CHST9: variants seen among roughly 807,000 people sequenced by gnomAD.
CHST9 encodes the protein GalNAc-4-sulfotransferase 2.
Under a neutral mutation model 44.4 loss-of-function variants are expected in CHST9, and 41 were observed. The observed-to-expected ratio is 0.92, with a 90% CI of 0.72 to 1.20. CHST9 has a LOEUF of 1.20. Ranked by LOEUF, CHST9 falls within the 50% of genes most tolerant of loss-of-function variation. The pLI, the probability that CHST9 is intolerant of heterozygous loss-of-function variation, is 0.00. For synonymous variants in CHST9, 171 were observed against 178.4 expected, an observed-to-expected ratio of 0.96 and a Z score of 0.33; for missense variants, 504 against 516.5, an observed-to-expected ratio of 0.98 and a Z score of 0.23.
At position 27,066,484 on chromosome 18, in the gene CHST9, G is replaced by A. The variant is rs555604908; in HGVS notation, c.122-17981C>T. Among the ~76,000 whole-genome samples, 284 of 152,190 alleles carry A rather than the reference G, an allele frequency of 1.9e-3. 2 individuals are homozygous for A. Among genetic ancestry groups the A allele is most frequent in the Non-Finnish European group, 3.3e-3 (226 of 67,998 alleles). On this transcript the variant is annotated intron_variant, in intron 2 of 5. Coordinates refer to ENST00000618847, the MANE Select transcript of CHST9 (RefSeq NM_031422.6). ...TTTAAATTTATTTTTTAGAGTCAGG[G>A]TTTCCATTTGTTGCCCAGGTTGGCC...
intron 2 of CHST9, among the ~76,000 whole-genome samples, chr18:27,053,209 G>GGAGGAA (rs2057598509): frequency 3.8e-5 from 3 of 79,136 alleles, no homozygotes; most frequent in Non-Finnish European, 5.1e-5. Context: ...AACAAGAAGA[G>GGAGGAA]GAGGAAGAGG....
At chr18:26,979,538 C>A (rs2056666214) in intron 4 of CHST9, among the ~76,000 whole-genome samples, 1 of 152,046 alleles carries the variant, frequency 6.6e-6, no homozygotes, top group Non-Finnish European at 1.5e-5. Flanking sequence ...GGTAGCTCCC[C>A]ATGTTTTGCT....
intron 2 of CHST9, among the ~76,000 whole-genome samples, chr18:27,134,557 C>A (rs2058498148): frequency 6.6e-6 from 1 of 152,152 alleles, no homozygotes; most frequent in Non-Finnish European, 1.5e-5. Context: ...TTGAATAGAA[C>A]CTCGACCTAC....
At chr18:27,082,890 A>T (rs550575781) in intron 2 of CHST9, among the ~76,000 whole-genome samples, 1 of 152,152 alleles carries the variant, frequency 6.6e-6, no homozygotes, top group Non-Finnish European at 1.5e-5. Context: ...CCCTATAGCA[A>T]TCAGGAGATT....
chr18:27,094,869 T>C (rs1219160883), intron 2 of CHST9, among the ~76,000 whole-genome samples: 1 of 152,202 alleles, frequency 6.6e-6, no homozygotes, highest in Non-Finnish European at 1.5e-5. Flanking sequence ...CTTTTTTATT[T>C]CAAAGCCTAA....
intron 5 of CHST9, chr18:26,933,057 TGAG>T (rs1458301418): frequency 2.0e-5 from 3 of 153,206 alleles, no homozygotes; most frequent in Non-Finnish European, 2.9e-5. Context: ...TGTTTCAGAA[TGAG>T]GAGGACACCT....
chr18:27,002,197 G>GGTAGGATTCTGC (rs2056961770), intron 4 of CHST9, among the ~76,000 whole-genome samples: 1 of 151,766 alleles, frequency 6.6e-6, no homozygotes, highest in South Asian at 2.1e-4. Context: ...ACAAACTGCA[G>GGTAGGATTCTGC]AATCCTACCT....
intron 4 of CHST9, among the ~76,000 whole-genome samples, chr18:26,973,167 C>T (rs1033762629): frequency 3.2e-4 from 48 of 152,194 alleles, no homozygotes; most frequent in Non-Finnish European, 6.3e-4. Context: ...GTATTTCCTT[C>T]ATGGTGGTTA....
At chr18:26,987,673 C>T (rs1261043655) in intron 4 of CHST9, among the ~76,000 whole-genome samples, 3 of 152,126 alleles carry the variant, frequency 2.0e-5, no homozygotes, top group Non-Finnish European at 2.9e-5. Context: ...CTCCTGCAAA[C>T]TCATATGTTG....
At chr18:27,031,353 T>C (rs1281625707) in intron 3 of CHST9, among the ~76,000 whole-genome samples, 2 of 152,174 alleles carry the variant, frequency 1.3e-5, no homozygotes, top group African/African-American at 4.8e-5. Flanking sequence ...GGACACTTCT[T>C]CCTGCCATTC....
rs1568151199 is a variant in CHST9, at chr18:27,053,263, AGAAGGAGAAGG to A, written c.122-4771_122-4761del. Among the ~76,000 whole-genome samples, 549 of 69,074 alleles carry A rather than the reference AGAAGGAGAAGG, an allele frequency of 7.9e-3. 6 individuals carry two copies. The highest frequency in any genetic ancestry group is 9.3e-3 in the South Asian group (15 of 1,606). 45.3% of individuals were successfully genotyped at this position (69,074 alleles called of 152,430 possible). ...AAGAAGAAGAAGAAGAAGAAGAAGG[AGAAGGAGAAGG>A]AGAAGGAGAAGGAGAAGGAGAAGGA... On this transcript the variant is annotated intron_variant, in intron 2 of 5. Transcript: ENST00000618847.
At chr18:27,124,308 G>C (rs560210850) in intron 2 of CHST9, among the ~76,000 whole-genome samples, 11 of 152,340 alleles carry the variant, frequency 7.2e-5, no homozygotes, top group African/African-American at 2.6e-4. Context: ...GTTGTAAACA[G>C]AGAGCATGAA....
chr18:27,100,500 A>T (rs192406192), intron 2 of CHST9, among the ~76,000 whole-genome samples: 15 of 152,306 alleles, frequency 9.8e-5, no homozygotes, highest in African/African-American at 3.4e-4. Flanking sequence ...AGGAAGAATA[A>T]GAGTGGGTAT....
rs12954797 is a variant in CHST9 at position 26,939,242 on chromosome 18, T to G, written c.240+5087A>C. Among the ~76,000 whole-genome samples the G allele has an allele frequency of 7.8e-3, 1,183 of 152,286 alleles. 12 individuals carry two copies. Among genetic ancestry groups the G allele is most frequent in the Non-Finnish European group, 0.013 (853 of 68,008 alleles). On this transcript the variant is annotated intron_variant, in intron 5 of 5. Transcript: ENST00000618847. ...GGCTATGTGATAAAGGAAAGCTTCA[T>G]GGAGAAGGTAGTATTTGAGTTAGGT...
chr18:27,034,219 C>G (rs1460449723), intron 3 of CHST9, among the ~76,000 whole-genome samples: 1 of 152,230 alleles, frequency 6.6e-6, no homozygotes, highest in Admixed American at 6.5e-5. Flanking sequence ...AGCTTGTTCT[C>G]AGCTTAAATC....
At chr18:27,115,955 C>A (rs2058316128) in intron 2 of CHST9, among the ~76,000 whole-genome samples, 1 of 152,148 alleles carries the variant, frequency 6.6e-6, no homozygotes, top group South Asian at 2.1e-4. Context: ...GGAGAAATGT[C>A]TATTCAGATC....
intron 2 of CHST9, among the ~76,000 whole-genome samples, chr18:27,053,083 TAAAGAAGAAGAAGA>T (rs924717619): frequency 8.6e-6 from 1 of 116,116 alleles, no homozygotes; most frequent in Non-Finnish European, 1.8e-5. Flanking sequence ...GAACTTAAAG[TAAAGAAGAAGAAGA>T]AAAGAAGAAG....
chr18:26,963,186 CAT>C (rs1276806600), intron 4 of CHST9, among the ~76,000 whole-genome samples: 2 of 152,092 alleles, frequency 1.3e-5, no homozygotes, highest in South Asian at 4.2e-4. Context: ...TGCCTCTCAA[CAT>C]AGAGTTCTTT....
chr18:27,139,082 T>C (rs1400691957), intron 2 of CHST9, among the ~76,000 whole-genome samples: 1 of 152,182 alleles, frequency 6.6e-6, no homozygotes, highest in Non-Finnish European at 1.5e-5. Context: ...TCATAATCCT[T>C]TACCAGTATA....
Sources: allele counts gnomAD v4.1 joint callset (sites outside exome capture counted in the v4.1 genomes callset), GRCh38; gene constraint gnomAD v4.1.1; transcripts MANE v1.5; gene names NCBI Gene and HGNC (gene_info 2026-07-23, HGNC 2026-07-21).